Variants in CSAD observed in about 807,000 individuals in gnomAD.
The protein encoded by CSAD is cysteine sulfinic acid decarboxylase.
A neutral mutation model predicts 61.5 loss-of-function variants in CSAD; 47 were observed. That is an observed-to-expected ratio of 0.76 (90% CI 0.60 to 0.97). The LOEUF (loss-of-function observed/expected upper bound fraction) is 0.97. CSAD is among the 50% of genes least tolerant of loss of function. The pLI, the probability that CSAD is intolerant of heterozygous loss-of-function variation, is 0.00. For missense variants in CSAD, 611 were observed against 643.6 expected, an observed-to-expected ratio of 0.95 and a Z score of 0.55; for synonymous variants, 245 against 252.7, an observed-to-expected ratio of 0.97 and a Z score of 0.29.
At position 53,179,944 on chromosome 12, in the gene CSAD, T is replaced by C. The variant is rs1049182761; in HGVS notation, c.-91+788A>G. 10 of 1,578,720 alleles carry C rather than the reference T, an allele frequency of 6.3e-6. No homozygotes were observed. In the African/African-American group the frequency reaches 6.8e-5, roughly 11 times the overall value. On this transcript the variant is annotated intron_variant, in intron 1 of 16. Coordinates refer to ENST00000444623, the MANE Select transcript of CSAD (RefSeq NM_001244705.2). ...CCTGGCCCAAGAGCCAGGACTCCCA[T>C]AAGACTAGTCTACTGTGGGAGTCAG... is the stretch of plus-strand genomic sequence containing the variant.
chr12:53,165,476 C>T (rs568585599), intron 10 of CSAD, among the ~76,000 whole-genome samples: 13 of 151,610 alleles, frequency 8.6e-5, no homozygotes, highest in South Asian at 6.2e-4. Context: ...CTGGCTAACA[C>T]GGTGAAACCC....
Position 53,173,476 on chromosome 12 carries a change from T to C in CSAD, c.-6A>G. ...AGTGCTTCTGAGTCAGCCATCAGGA[T>C]CTGTGGCAGAGCAGAGTCATTCCCT... On this transcript the variant is annotated splice_region_variant and 5_prime_UTR_variant, in exon 4 of 17. Coordinates refer to ENST00000444623, the MANE Select transcript of CSAD (RefSeq NM_001244705.2). 6.2e-7 allele frequency: 1 copy of C among 1,614,106 alleles called. No individual in the cohort carries two copies. Among genetic ancestry groups the C allele is most frequent in the Admixed American group, 1.7e-5 (1 of 60,016 alleles).
chr12:53,178,250 A>G (rs1230648305), intron 2 of CSAD: 1 of 414,848 alleles, frequency 2.4e-6, no homozygotes, highest in Non-Finnish European at 4.8e-6. Flanking sequence ...AGGCCAATGG[A>G]TAGCTTGAGC....
Position 53,160,834 on chromosome 12 carries a change from C to G in CSAD, c.895G>C (p.Val299Leu). The G allele has an allele frequency of 1.9e-6, 3 of 1,551,948 alleles. No homozygotes were observed. The highest frequency in any genetic ancestry group is 2.6e-6 in the Non-Finnish European group (3 of 1,147,056). ...LLDGIQRADS[V>L]AWNPHKLLAA... Reference sequence around the variant, plus strand: ...AGGAGCTTGTGGGGATTCCAGGCCACAGAGTCAGCCCTGGATGGGGTGGAG... The same window carrying G: ...AGGAGCTTGTGGGGATTCCAGGCCAGAGAGTCAGCCCTGGATGGGGTGGAG... Residue 299 changes from valine (V) to leucine (L), a missense_variant, in exon 13 of 17, where the codon GTG becomes CTG. Val to Leu is a conservative substitution (Grantham distance 32). Transcript: ENST00000444623.
chr12:53,159,769 C>T lies in CSAD; in HGVS notation c.1219-57G>A, dbSNP rs934012821. Reference sequence around the variant, plus strand: ...CTGAGAAAGGGGGACCGTTTTCCCTCTCCCTGCCCCTTTCCCCTCTCCCTG... The same window carrying T: ...CTGAGAAAGGGGGACCGTTTTCCCTTTCCCTGCCCCTTTCCCCTCTCCCTG... On this transcript the variant is annotated intron_variant, in intron 15 of 16. Transcript: ENST00000444623. 12 of 1,532,312 alleles carry T rather than the reference C, an allele frequency of 7.8e-6. No homozygotes were observed. The Admixed American group carries it at 9.6e-5, about 12-fold the overall frequency. The allele number at this position is 1,532,312 out of a possible 1,614,324, so 94.9% of individuals were successfully genotyped here. A position where few individuals can be genotyped will look rare whatever the true frequency, so the allele number is the denominator to read the frequency against.
At chr12:53,170,710 C>A in intron 8 of CSAD, 2 of 567,160 alleles carry the variant, frequency 3.5e-6, no homozygotes, top group Non-Finnish European at 6.3e-6. Context: ...GCCCAAGATT[C>A]TGCATTTGTT....
rs1230193332 is a variant in CSAD, at chr12:53,173,366, T to C, written c.105A>G (p.Lys35=). The change falls in exon 4 of 17, where the codon AAA becomes AAG. Residue 35 remains lysine, a synonymous_variant. Coordinates refer to ENST00000444623, the MANE Select transcript of CSAD (RefSeq NM_001244705.2). The part of the protein sequence containing the change: ...FGVVVDEAIQ[K]GTSVSQKVCE... ...TCACCTTCTGGGAGACACTGGTTCC[T>C]TTCTGAATGGCCTCATCCACAACAA... 6.2e-7 allele frequency: 1 copy of C among 1,614,254 alleles called. No homozygotes were observed. The highest frequency in any genetic ancestry group is 1.7e-5 in the Admixed American group (1 of 60,030).
intron 2 of CSAD, chr12:53,174,022 A>C (rs1483930240): frequency 4.2e-6 from 2 of 481,306 alleles, no homozygotes; most frequent in East Asian, 4.0e-5. Flanking sequence ...CGGGTCATAC[A>C]GGCCAGGCGC....
Position 53,170,409 on chromosome 12 carries a change from A to G in CSAD, c.647+14T>C. 1.9e-6 allele frequency: 3 copies of G among 1,611,992 alleles called. No homozygotes were observed. The highest frequency in any genetic ancestry group is 2.5e-6 in the Non-Finnish European group (3 of 1,178,012). On this transcript the variant is annotated intron_variant, in intron 9 of 16. Coordinates refer to ENST00000444623, the MANE Select transcript of CSAD (RefSeq NM_001244705.2). ...AAAGCTAGGTCACAGCCATGTGGGC[A>G]GAAGGACCTTCACCTCTCATCAGCC...
chr12:53,166,019 G>A (rs1216931337), intron 10 of CSAD, among the ~76,000 whole-genome samples: 3 of 152,238 alleles, frequency 2.0e-5, no homozygotes, highest in Non-Finnish European at 4.4e-5. Flanking sequence ...ATTCTGCTAA[G>A]TGAAATAAGC....
upstream of CSAD, chr12:53,180,934 G>A: frequency 1.0e-6 from 1 of 972,706 alleles, no homozygotes; most frequent in Non-Finnish European, 1.3e-6. Context: ...AGGGGGAGGG[G>A]AGGGGAGGAG....
intron 1 of CSAD, chr12:53,180,058 T>G (rs1464967507): frequency 7.1e-7 from 1 of 1,409,532 alleles, no homozygotes; most frequent in African/African-American, 1.5e-5. Flanking sequence ...CAGGCTGGCC[T>G]CGGGATTCGC....
chr12:53,158,490 C>G lies in CSAD; in HGVS notation c.*21G>C. ...TGCGGGTGAGGGGTGGTATCAAGGC[C>G]GGCAGCAAGACAGAGAAGGCTCACA... On this transcript the variant is annotated 3_prime_UTR_variant, in exon 17 of 17. Transcript: ENST00000444623. 6.2e-7 allele frequency: 1 copy of G among 1,603,912 alleles called. No homozygotes were observed. The highest frequency in any genetic ancestry group is 8.5e-7 in the Non-Finnish European group (1 of 1,172,834).
At chr12:53,177,437 T>C (rs142791037) in intron 2 of CSAD, among the ~76,000 whole-genome samples, 2 of 152,174 alleles carry the variant, frequency 1.3e-5, no homozygotes, top group South Asian at 2.1e-4. Flanking sequence ...CTACCATCAA[T>C]AAGAAATATA....
At chr12:53,162,764 GA>G (rs201331807) in intron 10 of CSAD, among the ~76,000 whole-genome samples, 1 of 146,876 alleles carries the variant, frequency 6.8e-6, no homozygotes, top group Non-Finnish European at 1.5e-5. Context: ...CTCTACAAAC[GA>G]AAAAAAAATA....
chr12:53,161,437 C>A, intron 10 of CSAD, 48 bp from the exon 11 acceptor site: 1 of 1,495,690 alleles, frequency 6.7e-7, no homozygotes, highest in Non-Finnish European at 9.3e-7. Context: ...ATCTCAAAAG[C>A]TACTCAGAGC....
intron 16 of CSAD, 123 bp downstream of exon 16, chr12:53,159,500 C>T: frequency 1.3e-6 from 1 of 745,032 alleles, no homozygotes; most frequent in South Asian, 1.7e-5. Flanking sequence ...AAGAGAGCAT[C>T]CACGCCTCAG....
chr12:53,161,378 C>G lies in CSAD; in HGVS notation c.714G>C (p.Pro238=). Residue 238 remains proline (P), a synonymous_variant, in exon 11 of 17, where the codon CCG becomes CCC. Coordinates refer to ENST00000444623, the MANE Select transcript of CSAD (RefSeq NM_001244705.2). ...TGCCAGAGGTGGCACTGACCAGGAA[C>G]GGCACAGCACCCTGTTGCCAAAATG... The part of the protein sequence containing the change: ...IGMAEAEGAV[P]FLVSATSGTT... The G allele has an allele frequency of 6.2e-7, 1 of 1,612,812 alleles. No homozygotes were observed. The highest frequency in any genetic ancestry group is 8.5e-7 in the Non-Finnish European group (1 of 1,179,032).
intron 10 of CSAD, among the ~76,000 whole-genome samples, chr12:53,161,737 G>A (rs914457702): frequency 7.9e-5 from 12 of 152,212 alleles, no homozygotes; most frequent in African/African-American, 2.4e-4. Context: ...AGGCAGGATT[G>A]CCTGAGGCCA....
Sources: allele counts gnomAD v4.1 joint callset (sites outside exome capture counted in the v4.1 genomes callset), GRCh38; gene constraint gnomAD v4.1.1; transcripts MANE v1.5; gene names NCBI Gene and HGNC (gene_info 2026-07-23, HGNC 2026-07-21).